The following SLC6A3 variants were observed in gnomAD, a reference collection of about 807,000 sequenced individuals.
The protein encoded by SLC6A3 is solute carrier family 6 member 3.
A neutral mutation model predicts 70.4 loss-of-function variants in SLC6A3; 19 were observed. The observed-to-expected ratio is 0.27, with a 90% CI of 0.19 to 0.40. SLC6A3 has a LOEUF of 0.40. Ranked by LOEUF, SLC6A3 falls within the 10% of genes least tolerant of loss-of-function variation. The probability of loss-of-function intolerance (pLI) is 1.00; values close to 1 mark genes in which losing one functional copy is unlikely to be tolerated. For missense variants in SLC6A3, 613 were observed against 838.5 expected (o/e 0.73, Z 3.32); for synonymous variants, 368 against 356.6 (o/e 1.03, Z -0.36).
Position 1,411,294 on chromosome 5 carries a change from G to A in SLC6A3, c.1218C>T (p.Ala406=), listed in dbSNP as rs1438853344. 1.3e-6 allele frequency: 2 copies of A among 1,555,218 alleles called. No homozygotes were observed. The highest frequency in any genetic ancestry group is 2.4e-5 in the East Asian group (1 of 41,424). Residue 406 remains alanine, a synonymous_variant, in exon 9 of 15, where the codon GCC becomes GCT. Transcript: ENST00000270349. The surrounding 1 kb of genome is among the most constrained non-coding windows in gnomAD (Gnocchi z 6.5). ...GCATGATGAAGAAGACCACGGCCCA[G>A]GCTGAGGACAGAGGGAGCGTGGCGA... ...EAIATLPLSS[A]WAVVFFIMLL...
chr5:1,422,067 A>C, intron 4 of SLC6A3, 53 bp from the exon 5 acceptor site: 3 of 1,588,168 alleles, frequency 1.9e-6, no homozygotes, highest in Non-Finnish European at 2.6e-6. Flanking sequence ...ACCCACCTGG[A>C]ACTGGACGGC....
At chr5:1,430,110 C>T (rs185599194) in intron 4 of SLC6A3, among the ~76,000 whole-genome samples, 7 of 152,152 alleles carry the variant, frequency 4.6e-5, no homozygotes, top group Admixed American at 1.3e-4. Context: ...GGACTCATCC[C>T]GGGTGCATCT....
Position 1,421,371 on chromosome 5 carries a change from T to A in SLC6A3, c.792+505A>T, listed in dbSNP as rs1220816557. Among the ~76,000 whole-genome samples the A allele has an allele frequency of 6.6e-6, 1 of 152,072 alleles. No homozygotes were observed. The highest frequency in any genetic ancestry group is 1.5e-5 in the Non-Finnish European group (1 of 68,016). On this transcript the variant is annotated intron_variant, in intron 5 of 14. Coordinates refer to ENST00000270349, the MANE Select transcript of SLC6A3 (RefSeq NM_001044.5). The surrounding 1 kb of genome is among the most constrained non-coding windows in gnomAD (Gnocchi z 7.2). ...TTCGTATTTTTAGTAGAGATGGGGTTTCATCATGTTGGCCAGGCTGTTCTT... is the reference window on the plus strand; with the variant it reads ...TTCGTATTTTTAGTAGAGATGGGGTATCATCATGTTGGCCAGGCTGTTCTT...
Position 1,411,120 on chromosome 5 carries a change from G to A in SLC6A3, c.1269+123C>T. ...AATCACGGGGCTCGCCCAAGTCAAGGACAGGAGGTCTGGGGGCCGTACGTG... is the reference window on the plus strand; with the variant it reads ...AATCACGGGGCTCGCCCAAGTCAAGAACAGGAGGTCTGGGGGCCGTACGTG... On this transcript the variant is annotated intron_variant, in intron 9 of 14. Coordinates refer to ENST00000270349, the MANE Select transcript of SLC6A3 (RefSeq NM_001044.5). This position sits in a 1 kb window ranked among gnomAD's most constrained non-coding sequence, Gnocchi z 6.5. 3 of 726,826 alleles carry A rather than the reference G, an allele frequency of 4.1e-6. No individual in the cohort carries two copies. Among genetic ancestry groups the A allele is most frequent in the South Asian group, 1.5e-5 (1 of 67,738 alleles). The allele number at this position is 726,826 out of a possible 1,614,324, so 45.0% of individuals were successfully genotyped here.
chr5:1,441,243 GT>G, intron 3 of SLC6A3, 115 bp downstream of exon 3: 4 of 1,282,490 alleles, frequency 3.1e-6, no homozygotes. Flanking sequence ...TGCCATGCCT[GT>G]GTCTTAGCAA....
intron 7 of SLC6A3, among the ~76,000 whole-genome samples, chr5:1,415,502 C>T (rs887268022): frequency 4.6e-5 from 7 of 152,214 alleles, no homozygotes; most frequent in African/African-American, 1.4e-4. Flanking sequence ...GTCTGCCTGG[C>T]CATTCTGCTG....
intron 6 of SLC6A3, among the ~76,000 whole-genome samples, chr5:1,417,592 G>A (rs1393607873): frequency 2.0e-5 from 3 of 152,242 alleles, no homozygotes; most frequent in Non-Finnish European, 4.4e-5. Flanking sequence ...GTGGGTCCAC[G>A]ATTGGACCAT....
intron 4 of SLC6A3, among the ~76,000 whole-genome samples, chr5:1,432,220 G>C (rs1268450665): frequency 2.0e-5 from 3 of 152,152 alleles, no homozygotes; most frequent in Non-Finnish European, 4.4e-5. Context: ...AGCAGCCAAG[G>C]GAGCTGCTCA....
In SLC6A3 at chr5:1,405,535, C is replaced by T. The variant is rs1292669438; in HGVS notation, c.1599+653G>A. On this transcript the variant is annotated intron_variant, in intron 12 of 14. Coordinates refer to ENST00000270349, the MANE Select transcript of SLC6A3 (RefSeq NM_001044.5). This position sits in a 1 kb window ranked among gnomAD's most constrained non-coding sequence, Gnocchi z 5.3. ...CAGCTCTTAGGTTGCCTGCCCAGAT[C>T]AGGCAGCACAGCTTTGCTTTGTGAG... Among the ~76,000 whole-genome samples, 1 of 152,228 alleles carries T rather than the reference C, an allele frequency of 6.6e-6. No individual in the cohort carries two copies. Among genetic ancestry groups the T allele is most frequent in the Admixed American group, 6.5e-5 (1 of 15,286 alleles).
rs1274763434 is a variant in SLC6A3 at position 1,401,054 on chromosome 5, C to G, written c.1768-68G>C. On this transcript the variant is annotated intron_variant, in intron 13 of 14. Coordinates refer to ENST00000270349, the MANE Select transcript of SLC6A3 (RefSeq NM_001044.5). The surrounding 1 kb of genome is among the most constrained non-coding windows in gnomAD (Gnocchi z 6.1). ...CCACTGCCAGCACCCACCACTGACT[C>G]ACACTGCCAGGACCCTCACCTACCA... The G allele has an allele frequency of 2.4e-6, 3 of 1,226,502 alleles. No individual in the cohort carries two copies. Among genetic ancestry groups the G allele is most frequent in the Non-Finnish European group, 3.5e-6 (3 of 848,754 alleles). 76.0% of individuals were successfully genotyped at this position (1,226,502 alleles called of 1,614,324 possible). A position where few individuals can be genotyped will look rare whatever the true frequency, so the allele number is the denominator to read the frequency against.
chr5:1,409,892 C>T (rs368495419), intron 9 of SLC6A3, 43 bp from the exon 10 acceptor site: 31 of 1,610,928 alleles, frequency 1.9e-5, no homozygotes, highest in Non-Finnish European at 2.5e-5. Context: ...TGGCGGCGCT[C>T]CTGACCGCAG....
rs1756026324 is a variant in SLC6A3 at position 1,408,046 on chromosome 5, G to A, written c.1498+980C>T. 6.6e-6 allele frequency among the ~76,000 whole-genome samples: 1 copy of A among 151,946 alleles called. No homozygotes were observed. Among genetic ancestry groups the A allele is most frequent in the African/African-American group, 2.4e-5 (1 of 41,362 alleles). On this transcript the variant is annotated intron_variant, in intron 11 of 14. Transcript: ENST00000270349. This position sits in a 1 kb window ranked among gnomAD's most constrained non-coding sequence, Gnocchi z 6.4. ...GACGGAGTCTCACTCTGTTGCCCAG[G>A]CTGGAGTGCAGTGGTGCAATCTCGG...
Position 1,409,047 on chromosome 5 carries a change from T to C in SLC6A3, c.1477A>G (p.Ile493Val), listed in dbSNP as rs1365549342. ...TCACCATAGAACCAGGCCACTCCGA[T>C]GGCTTCGATGAGCACTCCAAAGAGG... is the stretch of plus-strand genomic sequence containing the variant. ...SILFGVLIEA[I>V]GVAWFYGVGQ... Residue 493 changes from isoleucine (I) to valine (V), a missense_variant, in exon 11 of 15, where the codon ATC (isoleucine) becomes GTC (valine). Physicochemically the swap from Ile to Val is conservative, Grantham distance 29. This residue lies in a region of SLC6A3 where 348 missense variants were observed against 481.2 expected (regional missense o/e 0.72). Transcript: ENST00000270349. 1 of 1,612,802 alleles carries C rather than the reference T, an allele frequency of 6.2e-7. No homozygotes were observed. Among genetic ancestry groups the C allele is most frequent in the Non-Finnish European group, 8.5e-7 (1 of 1,179,750 alleles).
Position 1,406,816 on chromosome 5 carries a change from G to C in SLC6A3, c.1499-528C>G, listed in dbSNP as rs3776514. On this transcript the variant is annotated intron_variant, in intron 11 of 14. Transcript: ENST00000270349. This position sits in a 1 kb window ranked among gnomAD's most constrained non-coding sequence, Gnocchi z 8.8. Reference sequence around the variant, plus strand: ...CAACTCCTCCCGACCCCCAACCCCCGCCAGGCCCCAGCACCATCTGCTTTT... The same window carrying C: ...CAACTCCTCCCGACCCCCAACCCCCCCCAGGCCCCAGCACCATCTGCTTTT... Among the ~76,000 whole-genome samples, 1 of 151,648 alleles carries C rather than the reference G, an allele frequency of 6.6e-6. No individual in the cohort carries two copies. The highest frequency in any genetic ancestry group is 2.1e-4 in the South Asian group (1 of 4,784).
At chr5:1,435,529 AGCATGACATCACCATGGCCACTGT>A (rs1335116689) in intron 3 of SLC6A3, among the ~76,000 whole-genome samples, 2 of 152,200 alleles carry the variant, frequency 1.3e-5, no homozygotes, top group Non-Finnish European at 2.9e-5. Flanking sequence ...CCACCATGGG[AGCATGACATCACCATGGCCACTGT>A]GCATGACATC....
Position 1,408,998 on chromosome 5 carries a change from C to T in SLC6A3, c.1498+28G>A, listed in dbSNP as rs576122531. ...GCACAGCCACCAAACAAGAGGGTGC[C>T]GGCTTGGCTGCCTTCCCCCGGACTC... On this transcript the variant is annotated intron_variant, in intron 11 of 14. Coordinates refer to ENST00000270349, the MANE Select transcript of SLC6A3 (RefSeq NM_001044.5). This position sits in a 1 kb window ranked among gnomAD's most constrained non-coding sequence, Gnocchi z 6.4. 26 of 1,508,960 alleles carry T rather than the reference C, an allele frequency of 1.7e-5. No individual in the cohort carries two copies. The highest frequency in any genetic ancestry group is 5.5e-5 in the African/African-American group (4 of 72,932). 93.5% of individuals were successfully genotyped at this position (1,508,960 alleles called of 1,614,324 possible).
At position 1,416,978 on chromosome 5, in the gene SLC6A3, C is replaced by T. The variant is rs530747747; in HGVS notation, c.928-777G>A. 4.6e-5 allele frequency among the ~76,000 whole-genome samples: 7 copies of T among 151,638 alleles called. No individual in the cohort carries two copies. The South Asian group carries it at 6.3e-4, about 14-fold the overall frequency. On this transcript the variant is annotated intron_variant, in intron 6 of 14. Transcript: ENST00000270349. Reference sequence around the variant, plus strand: ...TGAACTCATCCACACACAACATGACCGCGGCGCCCTGATAACCCTCAGAAC... The same window carrying T: ...TGAACTCATCCACACACAACATGACTGCGGCGCCCTGATAACCCTCAGAAC...
At chr5:1,410,217 G>A (rs890175317) in intron 9 of SLC6A3, among the ~76,000 whole-genome samples, 2 of 152,234 alleles carry the variant, frequency 1.3e-5, no homozygotes, top group Admixed American at 6.5e-5. Flanking sequence ...CCCACACAAA[G>A]CTTTCAGCTG....
intron 6 of SLC6A3, chr5:1,416,695 G>C (rs528456927): frequency 6.9e-4 from 150 of 216,900 alleles, no homozygotes; most frequent in African/African-American, 3.8e-3. Flanking sequence ...ATCCACACAC[G>C]GCATGACCGC....
Sources: allele counts gnomAD v4.1 joint callset (sites outside exome capture counted in the v4.1 genomes callset), GRCh38; gene constraint gnomAD v4.1.1; regional missense constraint gnomAD v4.1.1; non-coding constraint Gnocchi (gnomAD v3.1); transcripts MANE v1.5; gene names NCBI Gene and HGNC (gene_info 2026-07-23, HGNC 2026-07-21).